The following CUL3 variants were observed in gnomAD, a reference collection of about 807,000 sequenced individuals.
CUL3 encodes the protein cullin-3.
Under a neutral mutation model 89.1 loss-of-function variants are expected in CUL3, and 19 were observed. The ratio of observed to expected loss-of-function variants is 0.21; its 90% CI spans 0.15 to 0.31. CUL3 has a LOEUF of 0.31. CUL3 is among the 10% of genes least tolerant of loss of function. The pLI, the probability that CUL3 is intolerant of heterozygous loss-of-function variation, is 1.00. For missense variants in CUL3, 469 were observed against 942.3 expected, an observed-to-expected ratio of 0.50 and a Z score of 6.58; for synonymous variants, 351 against 308.4, an observed-to-expected ratio of 1.14 and a Z score of -1.45.
At chr2:224,510,572 C>T (rs894268928) in intron 6 of CUL3, among the ~76,000 whole-genome samples, 12 of 151,992 alleles carry the variant, frequency 7.9e-5, no homozygotes, top group Admixed American at 2.6e-4. Flanking sequence ...GCTTAGATTT[C>T]GTCTAGGAAG....
intron 1 of CUL3, 45 bp downstream of exon 1, chr2:224,584,898 GC>G: frequency 7.1e-7 from 1 of 1,410,808 alleles, no homozygotes; most frequent in Non-Finnish European, 9.4e-7. Context: ...GCGGCTCTCG[GC>G]CCGGCCCCCG....
At chr2:224,503,351 C>T (rs956724573) in intron 9 of CUL3, among the ~76,000 whole-genome samples, 3 of 152,086 alleles carry the variant, frequency 2.0e-5, no homozygotes, top group Non-Finnish European at 4.4e-5. Context: ...TTCTATGGAC[C>T]ACACTTTGTG....
chr2:224,534,857 C>T (rs987031188), intron 3 of CUL3, among the ~76,000 whole-genome samples: 9 of 151,344 alleles, frequency 5.9e-5, no homozygotes, highest in Non-Finnish European at 1.3e-4. Context: ...TAAAAATAGC[C>T]GGGCGTGGTG....
chr2:224,541,127 T>A (rs1694087259), intron 2 of CUL3, among the ~76,000 whole-genome samples: 1 of 151,212 alleles, frequency 6.6e-6, no homozygotes, highest in African/African-American at 2.4e-5. Flanking sequence ...CTACTGAAAT[T>A]AAAAACTTTT....
chr2:224,577,953 A>C (rs1052838275), intron 1 of CUL3, among the ~76,000 whole-genome samples: 3 of 152,214 alleles, frequency 2.0e-5, no homozygotes, highest in African/African-American at 7.2e-5. Context: ...TTGGAAGAAT[A>C]CCTTAAGCAA....
intron 3 of CUL3, among the ~76,000 whole-genome samples, chr2:224,517,509 C>T (rs1445434327): frequency 6.6e-6 from 1 of 152,084 alleles, no homozygotes; most frequent in Non-Finnish European, 1.5e-5. Context: ...CCTGTCTCTA[C>T]TAAAAATACA....
chr2:224,489,210 C>T (rs61024022), intron 13 of CUL3, among the ~76,000 whole-genome samples: 28,134 of 152,150 alleles, frequency 0.18, 2,958 homozygotes, highest in South Asian at 0.27. Flanking sequence ...GACAAGGATG[C>T]CCTCTCTCAC....
Position 224,584,935 on chromosome 2 carries a change from G to A in CUL3, c.66+9C>T, listed in dbSNP as rs373080952. On this transcript the variant is annotated intron_variant, in intron 1 of 15. Transcript: ENST00000264414. ...GCCCCGGGGTCCCGGACGCCGAGGA[G>A]AGACTCACCGGAAAGGCCCGGATCC... is the stretch of plus-strand genomic sequence containing the variant. 7 of 1,476,258 alleles carry A rather than the reference G, an allele frequency of 4.7e-6. No homozygotes were observed. Among genetic ancestry groups the A allele is most frequent in the African/African-American group, 3.0e-5 (2 of 67,636 alleles). The allele number at this position is 1,476,258 out of a possible 1,614,324, so 91.4% of individuals were successfully genotyped here.
At chr2:224,509,469 A>G (rs1013864422) in intron 6 of CUL3, among the ~76,000 whole-genome samples, 8 of 152,202 alleles carry the variant, frequency 5.3e-5, no homozygotes, top group African/African-American at 1.9e-4. Flanking sequence ...CACCTGCTTC[A>G]GCCTCCCAAA....
chr2:224,538,203 T>TA (rs1223296791), intron 2 of CUL3, among the ~76,000 whole-genome samples: 1 of 152,214 alleles, frequency 6.6e-6, no homozygotes, highest in Admixed American at 6.5e-5. Flanking sequence ...ATGCCTTAGA[T>TA]ACACTGCTGC....
chr2:224,503,958 G>T (rs1392018390), intron 8 of CUL3, 136 bp from the exon 9 acceptor site: 2 of 637,576 alleles, frequency 3.1e-6, no homozygotes, highest in East Asian at 6.0e-5. Context: ...AAAGGGATAC[G>T]GTTTGAGAAA....
chr2:224,534,037 A>G (rs1323193952), intron 3 of CUL3, among the ~76,000 whole-genome samples: 1 of 152,212 alleles, frequency 6.6e-6, no homozygotes, highest in African/African-American at 2.4e-5. Context: ...AAAAAACTAG[A>G]AACAAAAATA....
intron 1 of CUL3, among the ~76,000 whole-genome samples, chr2:224,564,097 C>T (rs923655853): frequency 6.6e-6 from 1 of 152,018 alleles, no homozygotes; most frequent in Non-Finnish European, 1.5e-5. Context: ...ACCAGCCTGG[C>T]CAACATGATG....
chr2:224,534,189 A>T (rs1693795673), intron 3 of CUL3, among the ~76,000 whole-genome samples: 1 of 152,062 alleles, frequency 6.6e-6, no homozygotes. Flanking sequence ...ATAGCACCAA[A>T]TTTTTTTTAA....
intron 2 of CUL3, among the ~76,000 whole-genome samples, chr2:224,545,937 G>A (rs1477932286): frequency 6.6e-6 from 1 of 152,046 alleles, no homozygotes. Flanking sequence ...TTTTAAAAAA[G>A]GCATTCTTAG....
At chr2:224,576,821 A>G (rs1403373944) in intron 1 of CUL3, among the ~76,000 whole-genome samples, 2 of 152,228 alleles carry the variant, frequency 1.3e-5, no homozygotes, top group Non-Finnish European at 1.5e-5. Flanking sequence ...TTCCTTCAAT[A>G]AAGTTACAAG....
chr2:224,513,874 T>C (rs1272099772), intron 4 of CUL3, among the ~76,000 whole-genome samples: 1 of 152,184 alleles, frequency 6.6e-6, no homozygotes, highest in East Asian at 1.9e-4. Flanking sequence ...AATGTCTAAA[T>C]ATTTCTATGT....
At chr2:224,521,332 G>C (rs181152899) in intron 3 of CUL3, among the ~76,000 whole-genome samples, 8 of 152,130 alleles carry the variant, frequency 5.3e-5, no homozygotes, top group Admixed American at 3.3e-4. Context: ...AACTCTGAAA[G>C]CTTAGTATAA....
chr2:224,524,153 T>C (rs994711383), intron 3 of CUL3, among the ~76,000 whole-genome samples: 5 of 152,112 alleles, frequency 3.3e-5, no homozygotes, highest in Non-Finnish European at 5.9e-5. Flanking sequence ...CCTAGACTTG[T>C]AGGGCCAAGA....
Sources: allele counts gnomAD v4.1 joint callset (sites outside exome capture counted in the v4.1 genomes callset), GRCh38; gene constraint gnomAD v4.1.1; transcripts MANE v1.5; gene names NCBI Gene and HGNC (gene_info 2026-07-23, HGNC 2026-07-21).